The following LANCL1 variants were observed in gnomAD, a reference collection of about 807,000 sequenced individuals.
LANCL1 encodes LanC like glutathione S-transferase 1.
Under a neutral mutation model 50.6 loss-of-function variants are expected in LANCL1, and 50 were observed. That is an observed-to-expected ratio of 0.99 (90% CI 0.79 to 1.25). The LOEUF (loss-of-function observed/expected upper bound fraction) is 1.25. LANCL1 is among the 50% of genes most tolerant of loss of function. The pLI is 0.00. For synonymous variants in LANCL1, 188 were observed against 178.6 expected (o/e 1.05, Z -0.42); for missense variants, 532 against 480.7 (o/e 1.11, Z -1.00).
intron 5 of LANCL1, 139 bp from the exon 6 acceptor site, chr2:210,440,883 T>C (rs1314422451): frequency 1.1e-5 from 8 of 727,456 alleles, no homozygotes; most frequent in Admixed American, 5.6e-5. Context: ...AGGCACAGTT[T>C]AATTCTCCAT....
rs1692793556 is a variant in LANCL1 at position 210,432,874 on chromosome 2, CAGA to C, written c.*1610_*1612del. ...AGGTAGTGCCAACTTACACAAGTGA[CAGA>C]AGGAGGAAGCTGATCCTGGAAACTG... On this transcript the variant is annotated 3_prime_UTR_variant, in exon 10 of 10. Transcript: ENST00000450366. 6.6e-6 allele frequency: 1 copy of C among 152,270 alleles called. No individual in the cohort carries two copies. The highest frequency in any genetic ancestry group is 6.5e-5 in the Admixed American group (1 of 15,290). 9.4% of individuals were successfully genotyped at this position (152,270 alleles called of 1,614,324 possible). A position where few individuals can be genotyped will look rare whatever the true frequency, so the allele number is the denominator to read the frequency against.
In LANCL1 at chr2:210,476,672, G is replaced by A. The variant is rs1243730937; in HGVS notation, c.-69C>T. 4.1e-6 allele frequency: 5 copies of A among 1,222,862 alleles called. No homozygotes were observed. Among genetic ancestry groups the A allele is most frequent in the East Asian group, 3.9e-5 (1 of 25,692 alleles). The allele number at this position is 1,222,862 out of a possible 1,614,324, so 75.8% of individuals were successfully genotyped here. On this transcript the variant is annotated 5_prime_UTR_variant, in exon 1 of 10. Coordinates refer to ENST00000450366, the MANE Select transcript of LANCL1 (RefSeq NM_006055.3). ...CCCGTTCCCACGCCCGCGACTTGAA[G>A]CAAGTGCGCCTCCCGCGTCCTGAAG...
At chr2:210,451,135 A>G (rs1419520970) in intron 4 of LANCL1, among the ~76,000 whole-genome samples, 20 of 152,238 alleles carry the variant, frequency 1.3e-4, no homozygotes, top group Admixed American at 7.9e-4. Context: ...TACAACATGG[A>G]ATACTATGCA....
chr2:210,451,919 G>GT (rs1276543539), intron 4 of LANCL1, among the ~76,000 whole-genome samples: 1 of 152,178 alleles, frequency 6.6e-6, no homozygotes, highest in Non-Finnish European at 1.5e-5. Context: ...GCTAAATGGA[G>GT]TAAGCCAGAC....
intron 3 of LANCL1, among the ~76,000 whole-genome samples, chr2:210,459,102 T>C (rs1027530051): frequency 2.0e-5 from 3 of 152,054 alleles, no homozygotes; most frequent in African/African-American, 7.2e-5. Flanking sequence ...CAGAAAAAAC[T>C]TGAATGAGAT....
intron 7 of LANCL1, among the ~76,000 whole-genome samples, chr2:210,437,390 G>A (rs576553896): frequency 2.4e-4 from 36 of 152,236 alleles, no homozygotes; most frequent in East Asian, 1.2e-3. Flanking sequence ...AAATAATGCC[G>A]TTATGAATGC....
At chr2:210,462,937 T>C (rs533500403) in intron 3 of LANCL1, among the ~76,000 whole-genome samples, 51 of 152,330 alleles carry the variant, frequency 3.3e-4, no homozygotes, top group African/African-American at 1.0e-3. Context: ...TATCATGTCA[T>C]TGTTCAAACT....
chr2:210,451,574 A>G (rs1342029907), intron 4 of LANCL1, among the ~76,000 whole-genome samples: 2 of 152,200 alleles, frequency 1.3e-5, no homozygotes, highest in African/African-American at 4.8e-5. Context: ...ATTTATGCTA[A>G]GTGATTTCCA....
At chr2:210,465,340 G>C (rs992621038) in intron 3 of LANCL1, among the ~76,000 whole-genome samples, 1 of 152,214 alleles carries the variant, frequency 6.6e-6, no homozygotes, top group African/African-American at 2.4e-5. Context: ...TAGTGATGCT[G>C]AAAGTGCTTC....
intron 3 of LANCL1, among the ~76,000 whole-genome samples, chr2:210,457,000 TTC>T (rs1300539681): frequency 6.6e-6 from 1 of 152,344 alleles, no homozygotes; most frequent in East Asian, 1.9e-4. Context: ...GATTAAAACT[TTC>T]TTTTTGATAG....
rs565931395 is a variant in LANCL1 at position 210,438,592 on chromosome 2, C to G, written c.691-720G>C. ...TCACAAAGAGATGCACTGGACAAAC[C>G]AAGCATGACTTTCGTTATTACATTT... On this transcript the variant is annotated intron_variant, in intron 6 of 9. Transcript: ENST00000450366. Among the ~76,000 whole-genome samples, 54 of 152,136 alleles carry G rather than the reference C, an allele frequency of 3.5e-4. No individual in the cohort carries two copies. In the South Asian group the frequency reaches 7.9e-3, roughly 22 times the overall value.
intron 3 of LANCL1, among the ~76,000 whole-genome samples, chr2:210,466,562 AG>A (rs916345619): frequency 2.0e-5 from 3 of 152,184 alleles, no homozygotes; most frequent in Non-Finnish European, 4.4e-5. Context: ...ATGGTATGTA[AG>A]CCCTGGGTCT....
intron 4 of LANCL1, among the ~76,000 whole-genome samples, chr2:210,453,631 A>G (rs936191137): frequency 5.3e-5 from 8 of 152,180 alleles, no homozygotes; most frequent in Admixed American, 5.2e-4. Context: ...GAGCACTACA[A>G]TTTATCTGAT....
chr2:210,468,128 G>A (rs1694122973), intron 3 of LANCL1: 1 of 151,130 alleles, frequency 6.6e-6, no homozygotes, highest in South Asian at 2.1e-4. Flanking sequence ...ATTATGATTC[G>A]ACATTCCTAT....
At chr2:210,455,432 C>T (rs1178652776) in intron 3 of LANCL1, 118 bp from the exon 4 acceptor site, 1 of 814,432 alleles carries the variant, frequency 1.2e-6, no homozygotes, top group African/African-American at 1.7e-5. Flanking sequence ...TATTAATGAT[C>T]TGGAAGTTTG....
At chr2:210,459,144 C>T (rs1411770360) in intron 3 of LANCL1, among the ~76,000 whole-genome samples, 1 of 152,028 alleles carries the variant, frequency 6.6e-6, no homozygotes, top group African/African-American at 2.4e-5. Flanking sequence ...TTGTAAAAAT[C>T]TGCTCTAAAC....
chr2:210,471,042 A>ATTTTTTT (rs35572251), intron 3 of LANCL1, among the ~76,000 whole-genome samples: 8 of 96,284 alleles, frequency 8.3e-5, no homozygotes, highest in Admixed American at 1.2e-4. Flanking sequence ...TTCTTCTTTG[A>ATTTTTTT]TTTTTTTTTT....
At chr2:210,469,774 C>T (rs1435735364) in intron 3 of LANCL1, among the ~76,000 whole-genome samples, 1 of 152,154 alleles carries the variant, frequency 6.6e-6, no homozygotes, top group Non-Finnish European at 1.5e-5. Flanking sequence ...TTTGGGTTCT[C>T]AACTAGCCCT....
chr2:210,435,787 G>A (rs1212940181), intron 8 of LANCL1, among the ~76,000 whole-genome samples: 2 of 150,982 alleles, frequency 1.3e-5, no homozygotes, highest in Non-Finnish European at 2.9e-5. Context: ...GCTTTTCAAG[G>A]TTTTCCTTAA....
Sources: gnomAD v4.1 joint callset for allele counts (sites outside exome capture counted in the v4.1 genomes callset) on GRCh38, gnomAD v4.1.1 for gene constraint, MANE v1.5 for transcripts, NCBI Gene and HGNC (gene_info 2026-07-23, HGNC 2026-07-21) for gene names.